YEATS2: variants seen among roughly 807,000 people sequenced by gnomAD.
YEATS2 encodes YEATS domain containing 2, also known as YEATS domain-containing protein 2.
In YEATS2, 77 loss-of-function variants were observed where a neutral mutation model predicts 163.2. The observed-to-expected ratio is 0.47, with a 90% CI of 0.39 to 0.57. The LOEUF is 0.57. YEATS2 is among the 20% of genes least tolerant of loss of function. YEATS2 has a pLI of 0.00. For missense variants in YEATS2, 1,549 were observed against 1,729.8 expected (o/e 0.90, Z 1.85); for synonymous variants, 631 against 645.1 (o/e 0.98, Z 0.33).
At position 183,775,955 on chromosome 3, in the gene YEATS2, CGGAGGAGGAGGAGGA is replaced by C. The variant is rs146705467; in HGVS notation, c.2424_2438del (p.Gly810_Gly814del). On this transcript the variant is annotated inframe_deletion, in exon 18 of 31. Coordinates refer to ENST00000305135, the MANE Select transcript of YEATS2 (RefSeq NM_018023.5). ...CAGCTGCCAGTGGTGGGAGTGGTGCCGGAGGAGGAGGAGGAGGAGGAGGAGGAGGCGGCAGTGGCA... is the reference window on the plus strand; with the variant it reads ...CAGCTGCCAGTGGTGGGAGTGGTGCCGGAGGAGGAGGAGGCGGCAGTGGCA... 8.8e-6 allele frequency: 14 copies of C among 1,581,960 alleles called. No individual in the cohort carries two copies. Among genetic ancestry groups the C allele is most frequent in the South Asian group, 7.9e-5 (7 of 89,022 alleles).
intron 8 of YEATS2, among the ~76,000 whole-genome samples, chr3:183,745,051 T>C (rs1023051422): frequency 6.6e-6 from 1 of 152,166 alleles, no homozygotes; most frequent in African/African-American, 2.4e-5. Context: ...GGTTTCACCA[T>C]GTTGGTCAGG....
chr3:183,800,548 G>C lies in YEATS2; in HGVS notation c.3408G>C (p.Glu1136Asp). 1.2e-6 allele frequency: 2 copies of C among 1,614,064 alleles called. No homozygotes were observed. Among genetic ancestry groups the C allele is most frequent in the Non-Finnish European group, 1.7e-6 (2 of 1,179,940 alleles). The change falls in exon 24 of 31, where the codon GAG becomes GAC. Residue 1136 changes from glutamate to aspartate, a missense_variant. Coordinates refer to ENST00000305135, the MANE Select transcript of YEATS2 (RefSeq NM_018023.5). ...QTAVKTEESS[E>D]LGNYVIKIDH... ...CAGTGAAAACAGAAGAAAGTTCTGA[G>C]CTGGGAAACTATGTCATTAAGTAAT... is the stretch of plus-strand genomic sequence containing the variant.
chr3:183,799,767 C>T (rs554465181), intron 23 of YEATS2, among the ~76,000 whole-genome samples: 12 of 151,618 alleles, frequency 7.9e-5, no homozygotes, highest in Admixed American at 2.0e-4. Flanking sequence ...TTGAAACGGT[C>T]CCAGTATTAG....
chr3:183,759,216 T>G (rs1334581252), intron 13 of YEATS2, among the ~76,000 whole-genome samples: 1 of 152,158 alleles, frequency 6.6e-6, no homozygotes, highest in East Asian at 1.9e-4. Flanking sequence ...ATGACGCAAA[T>G]TTCATAAAAT....
chr3:183,734,988 C>A (rs970741066), intron 7 of YEATS2, among the ~76,000 whole-genome samples: 2 of 151,996 alleles, frequency 1.3e-5, no homozygotes, highest in Non-Finnish European at 2.9e-5. Flanking sequence ...TGTTGTAGGT[C>A]TTAGATTCTT....
At chr3:183,753,834 GTTTATATATTAAAA>G (rs1404526080) in intron 10 of YEATS2, among the ~76,000 whole-genome samples, 1 of 152,018 alleles carries the variant, frequency 6.6e-6, no homozygotes, top group Non-Finnish European at 1.5e-5. Context: ...CAGTTTTTCA[GTTTATATATTAAAA>G]AATGGAGGAA....
chr3:183,724,579 T>G (rs779616704), intron 6 of YEATS2, 48 bp downstream of exon 6: 1 of 1,422,562 alleles, frequency 7.0e-7, no homozygotes, highest in Admixed American at 1.8e-5. Flanking sequence ...TGTGTTAATA[T>G]TTTGGCATTA....
rs141898829 is a variant in YEATS2 at position 183,721,349 on chromosome 3, T to C, written c.292-542T>C. On this transcript the variant is annotated intron_variant, in intron 4 of 30. Coordinates refer to ENST00000305135, the MANE Select transcript of YEATS2 (RefSeq NM_018023.5). The stretch of plus-strand genomic sequence containing the variant: ...ACATAACTACAGTGTTATCACATAA[T>C]AACAGAATACACTGTATTTTGTATG... Among the ~76,000 whole-genome samples, 17 of 152,322 alleles carry C rather than the reference T, an allele frequency of 1.1e-4. No individual in the cohort carries two copies. In the East Asian group the frequency reaches 3.1e-3, roughly 28 times the overall value.
chr3:183,763,032 CAGAG>C (rs1048926071), intron 15 of YEATS2, among the ~76,000 whole-genome samples: 36 of 149,318 alleles, frequency 2.4e-4, no homozygotes, highest in Admixed American at 1.5e-3. Context: ...GCCTGGGTGA[CAGAG>C]AGAGACTCTG....
At chr3:183,764,981 T>C (rs909385379) in intron 15 of YEATS2, among the ~76,000 whole-genome samples, 1 of 152,190 alleles carries the variant, frequency 6.6e-6, no homozygotes, top group African/African-American at 2.4e-5. Flanking sequence ...ATCTGGGTTT[T>C]TAATAAGTGT....
intron 7 of YEATS2, among the ~76,000 whole-genome samples, chr3:183,731,784 C>T (rs1717809441): frequency 6.6e-6 from 1 of 152,176 alleles, no homozygotes; most frequent in African/African-American, 2.4e-5. Context: ...ATCGAAATAG[C>T]CTGTGTCTTG....
chr3:183,806,815 C>T lies in YEATS2; in HGVS notation c.3785-51C>T, dbSNP rs1206578116. 3 of 1,589,396 alleles carry T rather than the reference C, an allele frequency of 1.9e-6. No individual in the cohort carries two copies. In the African/African-American group the frequency reaches 4.0e-5, roughly 21 times the overall value. ...CATGGGTCTCTTGGAGACGGAAAGT[C>T]CTCTTCCGTTGGCCCCACAGCTGTT... On this transcript the variant is annotated intron_variant, in intron 27 of 30. Coordinates refer to ENST00000305135, the MANE Select transcript of YEATS2 (RefSeq NM_018023.5).
intron 9 of YEATS2, 115 bp downstream of exon 9, chr3:183,747,831 G>A: frequency 1.1e-6 from 1 of 902,156 alleles, no homozygotes; most frequent in Non-Finnish European, 1.7e-6. Context: ...CCAGGCTGGA[G>A]TGCAGTGGCA....
At chr3:183,729,936 C>CGCCTTG (rs1225997849) in intron 7 of YEATS2, among the ~76,000 whole-genome samples, 4 of 151,488 alleles carry the variant, frequency 2.6e-5, no homozygotes, top group African/African-American at 9.7e-5. Context: ...GTGATCTGCC[C>CGCCTTG]GCCTTGGCCA....
At chr3:183,758,048 A>G (rs1357104091) in intron 12 of YEATS2, among the ~76,000 whole-genome samples, 1 of 152,122 alleles carries the variant, frequency 6.6e-6, no homozygotes, top group East Asian at 1.9e-4. Flanking sequence ...AGGCAGTTGT[A>G]CAGATGGAGT....
At position 183,762,371 on chromosome 3, in the gene YEATS2, G is replaced by A. The variant is rs557838902; in HGVS notation, c.1947+92G>A. The A allele has an allele frequency of 3.8e-5, 54 of 1,438,268 alleles. No individual in the cohort carries two copies. The East Asian group carries it at 1.0e-3, about 27-fold the overall frequency. 89.1% of individuals were successfully genotyped at this position (1,438,268 alleles called of 1,614,324 possible). On this transcript the variant is annotated intron_variant, in intron 15 of 30. Coordinates refer to ENST00000305135, the MANE Select transcript of YEATS2 (RefSeq NM_018023.5). ...GTGCTGAAAAGATTCACGGTGACAG[G>A]GTTGATGATCCCATAAGAACCTGTG...
intron 25 of YEATS2, 52 bp from the exon 26 acceptor site, chr3:183,803,204 G>A (rs1374145346): frequency 6.3e-7 from 1 of 1,582,100 alleles, no homozygotes; most frequent in East Asian, 2.3e-5. Flanking sequence ...AATGACGTGT[G>A]GTTGGAATCG....
At chr3:183,807,259 C>T in intron 28 of YEATS2, 167 bp downstream of exon 28, 1 of 643,110 alleles carries the variant, frequency 1.6e-6, no homozygotes, top group East Asian at 2.8e-5. Context: ...CCTGGTTGAC[C>T]CAGGTGTGCT....
At chr3:183,699,592 C>G (rs1244667841) in intron 1 of YEATS2, among the ~76,000 whole-genome samples, 3 of 151,460 alleles carry the variant, frequency 2.0e-5, no homozygotes, top group African/African-American at 7.3e-5. Context: ...AGATGATATT[C>G]AAAGGTATGG....
Sources: allele counts gnomAD v4.1 joint callset (sites outside exome capture counted in the v4.1 genomes callset), GRCh38; gene constraint gnomAD v4.1.1; transcripts MANE v1.5; gene names NCBI Gene and HGNC (gene_info 2026-07-23, HGNC 2026-07-21).